The following ARL10 variants were observed in gnomAD, a reference collection of about 807,000 sequenced individuals.
ARL10 encodes ADP-ribosylation factor-like protein 10.
ARL10 carries 23 observed loss-of-function variants against 26.1 expected under a neutral mutation model. The observed-to-expected ratio is 0.88, with a 90% confidence interval of 0.63 to 1.25. The LOEUF (loss-of-function observed/expected upper bound fraction) is 1.25, where lower values mean the gene tolerates loss of function less well. ARL10 is among the 50% of genes most tolerant of loss of function. The pLI is 0.00. For synonymous variants in ARL10, 138 were observed against 149.1 expected (o/e 0.93, Z 0.54); for missense variants, 300 against 323.6 (o/e 0.93, Z 0.56).
intron 1 of ARL10, 84 bp downstream of exon 1, chr5:176,365,830 A>C: frequency 8.2e-7 from 1 of 1,214,140 alleles, no homozygotes; most frequent in Non-Finnish European, 1.0e-6. Flanking sequence ...TGACCACGGA[A>C]CGGCCCTGCT....
chr5:176,410,396 G>T, the ARL10 span: 1 of 915,254 alleles, frequency 1.1e-6, no homozygotes, highest in Non-Finnish European at 1.7e-6. Flanking sequence ...CAAACTCTGT[G>T]TATACCCATG....
rs944103340 is a variant in ARL10 at position 176,366,716 on chromosome 5, G to C, written c.385+135G>C. On this transcript the variant is annotated intron_variant, in intron 2 of 3. Transcript: ENST00000310389. ...TACGAATCCTTCCCACCGCTCTCCG[G>C]GGCACAGGATTCAGCCCACGCTCTG... The C allele has an allele frequency of 7.5e-6, 8 of 1,069,218 alleles. No individual in the cohort carries two copies. The East Asian group carries it at 7.8e-5, about 10-fold the overall frequency. 66.2% of individuals were successfully genotyped at this position (1,069,218 alleles called of 1,614,324 possible).
intron 1 of ARL10, chr5:176,387,064 TTCTC>T (rs55641001): frequency 0.43 from 237,039 of 550,080 alleles, 38,025 homozygotes; most frequent in Non-Finnish European, 0.46. Context: ...TGGAGGCTTT[TTCTC>T]TCTCTCTCTC....
the ARL10 span, among the ~76,000 whole-genome samples, chr5:176,407,116 G>A: frequency 6.6e-6 from 1 of 152,126 alleles, no homozygotes; most frequent in East Asian, 1.9e-4. Context: ...AGGAGGCCCC[G>A]GGCTCCTCAG....
downstream of ARL10, chr5:176,389,260 C>T: frequency 6.6e-7 from 1 of 1,516,176 alleles, no homozygotes; most frequent in Non-Finnish European, 9.0e-7. Flanking sequence ...TTTGGGGAAG[C>T]GAGACCCAAA....
chr5:176,388,899 C>T, downstream of ARL10: 1 of 1,614,182 alleles, frequency 6.2e-7, no homozygotes, highest in Non-Finnish European at 8.5e-7. Flanking sequence ...CTGAGCCCCA[C>T]TGTTTACAGG....
chr5:176,366,722 A>G, intron 2 of ARL10, 141 bp downstream of exon 2: 1 of 1,040,444 alleles, frequency 9.6e-7, no homozygotes. Context: ...TCCGGGGCAC[A>G]GGATTCAGCC....
intron 1 of ARL10, chr5:176,388,161 C>G (rs748974931): frequency 7.0e-6 from 8 of 1,138,616 alleles, no homozygotes; most frequent in Middle Eastern, 2.0e-4. Context: ...GGCAGTACCA[C>G]GTTCTGACAC....
intron 3 of ARL10, among the ~76,000 whole-genome samples, chr5:176,371,238 G>GA (rs1768522035): frequency 6.6e-6 from 1 of 152,170 alleles, no homozygotes; most frequent in East Asian, 1.9e-4. Flanking sequence ...AGCCAGGCGT[G>GA]GTGGCTCACA....
At chr5:176,370,833 C>T (rs13181538) in intron 3 of ARL10, among the ~76,000 whole-genome samples, 84,187 of 151,924 alleles carry the variant, frequency 0.55, 23,405 homozygotes, top group Middle Eastern at 0.61. Flanking sequence ...CCTTGTTTTC[C>T]TCCAGCTAGT....
chr5:176,396,415 CAAGA>C, intron 1 of ARL10: 4 of 1,395,172 alleles, frequency 2.9e-6, no homozygotes, highest in Non-Finnish European at 4.1e-6. Flanking sequence ...GCAGGAAACT[CAAGA>C]AACTGTGGTG....
At chr5:176,370,040 T>C (rs1172007058) in intron 3 of ARL10, among the ~76,000 whole-genome samples, 1 of 152,026 alleles carries the variant, frequency 6.6e-6, no homozygotes, top group Non-Finnish European at 1.5e-5. Context: ...CCTTGCAAAT[T>C]CTGGCTCTAG....
chr5:176,388,577 C>T (rs190729915), exon 2 of ARL10: 154 of 1,560,192 alleles, frequency 9.9e-5, no homozygotes, highest in Non-Finnish European at 1.3e-4. Context: ...AACACGCTGC[C>T]TCTGTCTCTC....
In ARL10 at chr5:176,379,666, A is replaced by G. The variant is rs1755504502; in HGVS notation, c.*7771A>G. On this transcript the variant is annotated 3_prime_UTR_variant, in exon 4 of 4. Coordinates refer to ENST00000310389, the MANE Select transcript of ARL10 (RefSeq NM_173664.6). Reference sequence around the variant, plus strand: ...CAGGTTTCACAAGTAGTGTTTCTAAATGAGCTCTATAATCTGAAACCGGTT... The same window carrying G: ...CAGGTTTCACAAGTAGTGTTTCTAAGTGAGCTCTATAATCTGAAACCGGTT... 6.6e-6 allele frequency: 1 copy of G among 152,210 alleles called. No individual in the cohort carries two copies. Among genetic ancestry groups the G allele is most frequent in the African/African-American group, 2.4e-5 (1 of 41,448 alleles). The allele number at this position is 152,210 out of a possible 1,614,324, so 9.4% of individuals were successfully genotyped here. A position where few individuals can be genotyped will look rare whatever the true frequency, so the allele number is the denominator to read the frequency against.
In ARL10 at chr5:176,368,312, G is replaced by A. The variant is rs1277762379; in HGVS notation, c.386-495G>A. Among the ~76,000 whole-genome samples the A allele has an allele frequency of 6.6e-6, 1 of 152,120 alleles. No individual in the cohort carries two copies. The highest frequency in any genetic ancestry group is 2.4e-5 in the African/African-American group (1 of 41,424). Reference sequence around the variant, plus strand: ...GGGGTCCTGAGTTTTCTAGACAATAGGACTCCTGGCTCCTGTCACAGCCAT... The same window carrying A: ...GGGGTCCTGAGTTTTCTAGACAATAAGACTCCTGGCTCCTGTCACAGCCAT... On this transcript the variant is annotated intron_variant, in intron 2 of 3. Coordinates refer to ENST00000310389, the MANE Select transcript of ARL10 (RefSeq NM_173664.6). This position sits in a 1 kb window ranked among gnomAD's most constrained non-coding sequence, Gnocchi z 4.1.
chr5:176,406,495 CT>C (rs746517350), downstream of ARL10: 9 of 1,214,282 alleles, frequency 7.4e-6, no homozygotes, highest in Non-Finnish European at 9.5e-6. Context: ...CTAAGCTGAG[CT>C]GCTGATTCCT....
At chr5:176,400,598 C>G (rs1288617533) in intron 1 of ARL10, among the ~76,000 whole-genome samples, 1 of 152,266 alleles carries the variant, frequency 6.6e-6, no homozygotes, top group Non-Finnish European at 1.5e-5. Flanking sequence ...CACACCCGCT[C>G]TGGCACCCAC....
At chr5:176,406,773 T>C (rs1356913591), downstream of ARL10, 64 of 1,199,832 alleles carry the variant, frequency 5.3e-5, no homozygotes, top group Non-Finnish European at 6.9e-5. Context: ...GTGTTGGGTG[T>C]GCACAGGCCA....
rs1023474120 is a variant in ARL10, at chr5:176,373,142, G to A, written c.*1247G>A. ...CTTATGTGAATCTAGGTAAAAAGAT[G>A]GAAAAAAATTGTATTATGTGATCCT... On this transcript the variant is annotated 3_prime_UTR_variant, in exon 4 of 4. Coordinates refer to ENST00000310389, the MANE Select transcript of ARL10 (RefSeq NM_173664.6). 27 of 398,086 alleles carry A rather than the reference G, an allele frequency of 6.8e-5. No homozygotes were observed. The highest frequency in any genetic ancestry group is 5.1e-4 in the African/African-American group (25 of 48,732). 24.7% of individuals were successfully genotyped at this position (398,086 alleles called of 1,614,324 possible). A position where few individuals can be genotyped will look rare whatever the true frequency, so the allele number is the denominator to read the frequency against.
Sources: allele counts gnomAD v4.1 joint callset (sites outside exome capture counted in the v4.1 genomes callset), GRCh38; gene constraint gnomAD v4.1.1; non-coding constraint Gnocchi (gnomAD v3.1); transcripts MANE v1.5; gene names NCBI Gene and HGNC (gene_info 2026-07-23, HGNC 2026-07-21).